PCSK5: variants seen among roughly 807,000 people sequenced by gnomAD.
The protein encoded by PCSK5 is proprotein convertase subtilisin/kexin type 5.
PCSK5 carries 129 observed loss-of-function variants against 233.2 expected under a neutral mutation model. The observed-to-expected ratio is 0.55, with a 90% confidence interval of 0.48 to 0.64. PCSK5 has a LOEUF of 0.64. Among genes scored for constraint, PCSK5 ranks in the 30% least tolerant of loss-of-function variants. PCSK5 has a pLI of 0.00. For missense variants in PCSK5, 2,076 were observed against 2,430.1 expected (o/e 0.85, Z 3.06); for synonymous variants, 825 against 879.2 (o/e 0.94, Z 1.09).
rs1242622618 is a variant in PCSK5, at chr9:76,302,177, G to C, written c.3564G>C (p.Leu1188=). The change falls in exon 28 of 38, where the codon CTG becomes CTC. Residue 1188 remains leucine, a synonymous_variant. Transcript: ENST00000674117. ...STANLSVVKS[L]LQERRRWKVQ... The stretch of plus-strand genomic sequence containing the variant: ...CAAACCTATCTGTGGTGAAGAGCCT[G>C]CTGCAGGAGCGACGAAGGTGGAAAG... 9 of 1,354,860 alleles carry C rather than the reference G, an allele frequency of 6.6e-6. No individual in the cohort carries two copies. Among genetic ancestry groups the C allele is most frequent in the Non-Finnish European group, 8.8e-6 (9 of 1,017,554 alleles). 83.9% of individuals were successfully genotyped at this position (1,354,860 alleles called of 1,614,324 possible). A position where few individuals can be genotyped will look rare whatever the true frequency, so the allele number is the denominator to read the frequency against.
chr9:76,135,529 C>T (rs897933035), intron 10 of PCSK5, among the ~76,000 whole-genome samples: 1 of 152,024 alleles, frequency 6.6e-6, no homozygotes, highest in Non-Finnish European at 1.5e-5. Flanking sequence ...TGTAAATACC[C>T]GTTGGCATTG....
At chr9:76,308,822 C>A in intron 29 of PCSK5, 94 bp downstream of exon 29, 1 of 745,978 alleles carries the variant, frequency 1.3e-6, no homozygotes, top group South Asian at 1.5e-5. Flanking sequence ...GTCTGTAAGG[C>A]CTTGATCTAT....
At chr9:75,978,654 G>T (rs1826129368) in intron 2 of PCSK5, among the ~76,000 whole-genome samples, 1 of 152,098 alleles carries the variant, frequency 6.6e-6, no homozygotes, top group Non-Finnish European at 1.5e-5. Context: ...GCTCCAGAAA[G>T]AATTACTTTG....
intron 9 of PCSK5, among the ~76,000 whole-genome samples, chr9:76,122,475 A>G (rs1179147853): frequency 6.6e-6 from 1 of 152,186 alleles, no homozygotes; most frequent in Non-Finnish European, 1.5e-5. Flanking sequence ...TAAGTGTTAA[A>G]CAAACTTTGT....
chr9:76,205,243 C>G (rs1376154418), intron 20 of PCSK5: 1 of 518,934 alleles, frequency 1.9e-6, no homozygotes, highest in Admixed American at 1.9e-5. Context: ...CCTCCCGCTT[C>G]CAGCTCTGTA....
intron 24 of PCSK5, among the ~76,000 whole-genome samples, chr9:76,252,191 C>G (rs1401276615): frequency 6.6e-6 from 1 of 152,152 alleles, no homozygotes; most frequent in Non-Finnish European, 1.5e-5. Context: ...AGGCGTGAAC[C>G]TGGGAGGCGG....
intron 2 of PCSK5, among the ~76,000 whole-genome samples, chr9:75,969,703 T>G (rs1297418006): frequency 1.3e-5 from 2 of 152,116 alleles, no homozygotes; most frequent in African/African-American, 4.8e-5. Flanking sequence ...TGGTGGACAT[T>G]CCTGTGCCAA....
chr9:76,199,511 A>C (rs1046167462), intron 20 of PCSK5, among the ~76,000 whole-genome samples: 1 of 152,272 alleles, frequency 6.6e-6, no homozygotes, highest in East Asian at 1.9e-4. Flanking sequence ...GATCTTGAGA[A>C]TCTTCATAGC....
At chr9:75,983,555 G>T (rs924614130) in intron 2 of PCSK5, among the ~76,000 whole-genome samples, 1 of 152,170 alleles carries the variant, frequency 6.6e-6, no homozygotes. Context: ...TGTAGCACAT[G>T]TATGTTTAAA....
At chr9:76,143,724 C>A (rs989086559) in intron 10 of PCSK5, among the ~76,000 whole-genome samples, 1 of 138,272 alleles carries the variant, frequency 7.2e-6, no homozygotes, top group Non-Finnish European at 1.5e-5. Flanking sequence ...TTTGCTACAT[C>A]CCACTTTTTT....
At chr9:76,256,645 G>A (rs546044177) in intron 24 of PCSK5, among the ~76,000 whole-genome samples, 143 of 152,236 alleles carry the variant, frequency 9.4e-4, no homozygotes, top group Middle Eastern at 3.4e-3. Context: ...AAATATCTTC[G>A]ATTTTTCTGA....
At chr9:75,961,824 T>TA (rs989116323) in intron 2 of PCSK5, among the ~76,000 whole-genome samples, 7 of 152,208 alleles carry the variant, frequency 4.6e-5, no homozygotes, top group African/African-American at 1.4e-4. Context: ...AGCATATTGT[T>TA]AAAAAATCAT....
chr9:76,159,312 A>G (rs1003343742), intron 12 of PCSK5, 141 bp downstream of exon 12: 4 of 682,098 alleles, frequency 5.9e-6, no homozygotes, highest in Non-Finnish European at 9.8e-6. Context: ...CTCACTGCTC[A>G]TAAGTAGAGA....
intron 2 of PCSK5, among the ~76,000 whole-genome samples, chr9:75,966,099 T>C (rs1156541926): frequency 1.3e-5 from 2 of 152,208 alleles, no homozygotes; most frequent in Admixed American, 6.5e-5. Flanking sequence ...TGACCTCTCT[T>C]GGCCCTAAGC....
At chr9:76,334,198 A>C (rs1174238098) in intron 34 of PCSK5, among the ~76,000 whole-genome samples, 1 of 152,174 alleles carries the variant, frequency 6.6e-6, no homozygotes, top group Non-Finnish European at 1.5e-5. Flanking sequence ...AACCGCCCCT[A>C]CAATCCAACC....
chr9:75,976,918 C>T (rs1220674236), intron 2 of PCSK5, among the ~76,000 whole-genome samples: 1 of 151,894 alleles, frequency 6.6e-6, no homozygotes, highest in African/African-American at 2.4e-5. Flanking sequence ...TGTATTTTCC[C>T]CTATGTAAGT....
At chr9:76,129,153 C>G (rs1044812478) in intron 9 of PCSK5, among the ~76,000 whole-genome samples, 1 of 152,160 alleles carries the variant, frequency 6.6e-6, no homozygotes, top group Admixed American at 6.6e-5. Flanking sequence ...GTGTCTCCAG[C>G]TCACCATGAA....
At chr9:75,962,510 T>A (rs1825398568) in intron 2 of PCSK5, among the ~76,000 whole-genome samples, 1 of 152,148 alleles carries the variant, frequency 6.6e-6, no homozygotes, top group South Asian at 2.1e-4. Context: ...TCAAAACTGT[T>A]GCATTTTGAC....
At chr9:76,044,881 A>G (rs1203801295) in intron 5 of PCSK5, among the ~76,000 whole-genome samples, 1 of 152,178 alleles carries the variant, frequency 6.6e-6, no homozygotes, top group East Asian at 1.9e-4. Context: ...AGCTATGAAG[A>G]CTATTTCTGC....
Sources: gnomAD v4.1 joint callset for allele counts (sites outside exome capture counted in the v4.1 genomes callset) on GRCh38, gnomAD v4.1.1 for gene constraint, MANE v1.5 for transcripts, NCBI Gene and HGNC (gene_info 2026-07-23, HGNC 2026-07-21) for gene names.